Variants in GPR158 observed in about 807,000 individuals in gnomAD.
GPR158 encodes the protein G protein-coupled receptor 158, also known as metabotropic glycine receptor.
In GPR158, 30 loss-of-function variants were observed where a neutral mutation model predicts 78.2. That is an observed-to-expected ratio of 0.38 (90% CI 0.29 to 0.52). The LOEUF is 0.52. Among genes scored for constraint, GPR158 ranks in the 20% least tolerant of loss-of-function variants. The pLI is 0.83. For synonymous variants in GPR158, 581 were observed against 591.1 expected (o/e 0.98, Z 0.25); for missense variants, 1,463 against 1,523.5 (o/e 0.96, Z 0.66).
At chr10:25,374,009 CA>C (rs1196723023) in intron 2 of GPR158, among the ~76,000 whole-genome samples, 2 of 151,406 alleles carry the variant, frequency 1.3e-5, no homozygotes, top group African/African-American at 2.4e-5. Context: ...ACCATTACTG[CA>C]AAAAAATGTA....
chr10:25,279,510 G>A (rs1291776511), intron 2 of GPR158, among the ~76,000 whole-genome samples: 1 of 152,044 alleles, frequency 6.6e-6, no homozygotes, highest in Non-Finnish European at 1.5e-5. Flanking sequence ...TTGTGGGGTG[G>A]GGGGAGATTT....
chr10:25,365,479 A>G (rs1048650349), intron 2 of GPR158, among the ~76,000 whole-genome samples: 3 of 151,684 alleles, frequency 2.0e-5, no homozygotes, highest in African/African-American at 7.3e-5. Context: ...CGGATTCTCA[A>G]TACTTGAGAA....
intron 6 of GPR158, among the ~76,000 whole-genome samples, chr10:25,557,471 TAATTGTA>T: frequency 6.6e-6 from 1 of 152,176 alleles, no homozygotes; most frequent in African/African-American, 2.4e-5. Flanking sequence ...AGTCACTCTT[TAATTGTA>T]AAATCTCTAA....
chr10:25,353,444 T>C (rs192902715), intron 2 of GPR158, among the ~76,000 whole-genome samples: 19 of 151,942 alleles, frequency 1.3e-4, no homozygotes, highest in African/African-American at 4.3e-4. Context: ...ACCTGCACAT[T>C]GTGCACATGT....
chr10:25,192,083 A>G (rs1033599866), intron 1 of GPR158, among the ~76,000 whole-genome samples: 8 of 152,090 alleles, frequency 5.3e-5, no homozygotes, highest in African/African-American at 1.9e-4. Context: ...AATCTCCATA[A>G]TTCCCACGTG....
chr10:25,315,651 G>A (rs1308767900), intron 2 of GPR158, among the ~76,000 whole-genome samples: 1 of 151,950 alleles, frequency 6.6e-6, no homozygotes. Context: ...TTTATAATAT[G>A]TTTTATTTGC....
At chr10:25,589,197 G>C (rs1427585236) in intron 8 of GPR158, 52 bp downstream of exon 8, 4 of 1,345,342 alleles carry the variant, frequency 3.0e-6, no homozygotes. Context: ...CTGATGTGTT[G>C]CTGTTTAAAT....
intron 2 of GPR158, among the ~76,000 whole-genome samples, chr10:25,261,678 A>G (rs905242307): frequency 6.6e-6 from 1 of 152,174 alleles, no homozygotes; most frequent in African/African-American, 2.4e-5. Context: ...CGGCGGAGTC[A>G]GTTGTCTTTT....
At chr10:25,569,569 T>G (rs1229868827) in intron 6 of GPR158, among the ~76,000 whole-genome samples, 2 of 152,098 alleles carry the variant, frequency 1.3e-5, no homozygotes, top group African/African-American at 4.8e-5. Flanking sequence ...TCCCTAGGAG[T>G]TGCTGGGTAT....
At chr10:25,512,989 T>A (rs1023356760) in intron 5 of GPR158, among the ~76,000 whole-genome samples, 1 of 152,098 alleles carries the variant, frequency 6.6e-6, no homozygotes, top group African/African-American at 2.4e-5. Context: ...TGTCTGTAGT[T>A]TTCTTTTTTT....
intron 4 of GPR158, among the ~76,000 whole-genome samples, chr10:25,438,495 T>C (rs1215013808): frequency 6.6e-6 from 1 of 152,248 alleles, no homozygotes; most frequent in East Asian, 1.9e-4. Context: ...TTCTCCATTC[T>C]TCAGCGCATT....
At chr10:25,286,604 G>GTT (rs141588490) in intron 2 of GPR158, among the ~76,000 whole-genome samples, 2 of 150,860 alleles carry the variant, frequency 1.3e-5, no homozygotes, top group Admixed American at 1.3e-4. Flanking sequence ...CAGTGTTGTT[G>GTT]TTTTTTTTTA....
intron 4 of GPR158, among the ~76,000 whole-genome samples, chr10:25,431,508 G>A (rs1834905090): frequency 7.0e-6 from 1 of 142,638 alleles, no homozygotes; most frequent in African/African-American, 2.6e-5. Flanking sequence ...CCCATTACTG[G>A]GTATATACCC....
intron 2 of GPR158, among the ~76,000 whole-genome samples, chr10:25,256,112 A>G (rs1853885243): frequency 6.6e-6 from 1 of 152,136 alleles, no homozygotes; most frequent in South Asian, 2.1e-4. Flanking sequence ...ATAGCCTGTG[A>G]CTGCCATCTG....
chr10:25,333,437 G>T (rs1385755562), intron 2 of GPR158, among the ~76,000 whole-genome samples: 1 of 152,128 alleles, frequency 6.6e-6, no homozygotes, highest in East Asian at 1.9e-4. Flanking sequence ...GTGCAAGGTT[G>T]TATATACATA....
At chr10:25,265,313 T>G (rs1241586969) in intron 2 of GPR158, among the ~76,000 whole-genome samples, 5 of 152,112 alleles carry the variant, frequency 3.3e-5, no homozygotes, top group Non-Finnish European at 7.4e-5. Flanking sequence ...TCACATTCTC[T>G]CTCTTCTCTT....
intron 2 of GPR158, among the ~76,000 whole-genome samples, chr10:25,269,131 A>G (rs988982102): frequency 6.6e-6 from 1 of 152,214 alleles, no homozygotes; most frequent in Non-Finnish European, 1.5e-5. Context: ...AGTTAAAAAA[A>G]TGAACCAAAG....
chr10:25,493,549 G>A (rs1284990892), intron 5 of GPR158, among the ~76,000 whole-genome samples: 2 of 152,068 alleles, frequency 1.3e-5, no homozygotes, highest in Non-Finnish European at 2.9e-5. Flanking sequence ...CTGGAGACAG[G>A]TACCCCATTA....
chr10:25,294,500 A>G (rs1854483931), intron 2 of GPR158, among the ~76,000 whole-genome samples: 1 of 152,218 alleles, frequency 6.6e-6, no homozygotes, highest in South Asian at 2.1e-4. Context: ...GGCTTTGCTG[A>G]TGATGAGTCA....
Sources: allele counts gnomAD v4.1 joint callset (sites outside exome capture counted in the v4.1 genomes callset), GRCh38; gene constraint gnomAD v4.1.1; transcripts MANE v1.5; gene names NCBI Gene and HGNC (gene_info 2026-07-23, HGNC 2026-07-21).